ZNF469: variants seen among roughly 807,000 people sequenced by gnomAD.
ZNF469 encodes the protein zinc finger protein 469.
In ZNF469, 1 loss-of-function variant was observed where a neutral mutation model predicts 1.0. The observed-to-expected ratio is 1.00, with a 90% confidence interval of 0.35 to 4.73. The LOEUF is 4.73. Ranked by LOEUF, ZNF469 falls within the 30% of genes most tolerant of loss-of-function variation. The pLI is 0.16. For synonymous variants in ZNF469, 2,703 were observed against 2,363.4 expected (o/e 1.14, Z -4.17); for missense variants, 6,100 against 5,356.3 (o/e 1.14, Z -4.33).
chr16:88,345,491 G>T, the ZNF469 span, among the ~76,000 whole-genome samples: 1 of 152,204 alleles, frequency 6.6e-6, no homozygotes, highest in Non-Finnish European at 1.5e-5. Flanking sequence ...AGGAGCATGG[G>T]ATCTGCACCA....
At chr16:88,224,669 G>A in the ZNF469 span, among the ~76,000 whole-genome samples, 4 of 152,186 alleles carry the variant, frequency 2.6e-5, no homozygotes, top group Non-Finnish European at 5.9e-5. Flanking sequence ...GTCGGAGCCC[G>A]GCAAGGCCGC....
chr16:88,127,535 T>C, the ZNF469 span, among the ~76,000 whole-genome samples: 1 of 152,190 alleles, frequency 6.6e-6, no homozygotes, highest in Non-Finnish European at 1.5e-5. Flanking sequence ...GAAAGATAAG[T>C]GAACAGCATT....
chr16:88,386,896 C>T (rs184506661), intron 1 of ZNF469, among the ~76,000 whole-genome samples: 6 of 152,306 alleles, frequency 3.9e-5, no homozygotes, highest in Admixed American at 2.0e-4. Flanking sequence ...ACTCCCTCCC[C>T]GTGCTCATCA....
intron 1 of ZNF469, among the ~76,000 whole-genome samples, chr16:88,409,160 A>G (rs1195349860): frequency 6.6e-6 from 1 of 152,178 alleles, no homozygotes; most frequent in East Asian, 1.9e-4. Context: ...GGGCTCGCCC[A>G]CCTGTGATGT....
At position 88,394,079 on chromosome 16, in the gene ZNF469, G is replaced by C. The variant is rs990743724; in HGVS notation, c.-192+10825G>C. ...CGTCTACACCTGCGCTGCCTGAGAG[G>C]AGCAGGGTTTGACACGACTACACCT... On this transcript the variant is annotated intron_variant, in intron 1 of 2. Coordinates refer to ENST00000565624, the MANE Select transcript of ZNF469 (RefSeq NM_001367624.2). 3.0e-4 allele frequency among the ~76,000 whole-genome samples: 39 copies of C among 131,656 alleles called. 2 individuals carry two copies. The highest frequency in any genetic ancestry group is 1.0e-3 in the African/African-American group (38 of 37,206). The allele number at this position is 131,656 out of a possible 152,430, so 86.4% of individuals were successfully genotyped here. A position where few individuals can be genotyped will look rare whatever the true frequency, so the allele number is the denominator to read the frequency against.
the ZNF469 span, among the ~76,000 whole-genome samples, chr16:88,252,503 C>T: frequency 4.0e-5 from 6 of 151,448 alleles, no homozygotes; most frequent in East Asian, 9.7e-4. Flanking sequence ...CTTCTCTTGG[C>T]TTCTCATCTC....
the ZNF469 span, among the ~76,000 whole-genome samples, chr16:88,192,622 G>A: frequency 1.3e-5 from 2 of 152,304 alleles, no homozygotes; most frequent in Non-Finnish European, 2.9e-5. Context: ...ACATGATGAG[G>A]ACAGTATTGA....
chr16:88,103,457 T>C, the ZNF469 span, among the ~76,000 whole-genome samples: 3 of 152,204 alleles, frequency 2.0e-5, no homozygotes, highest in Non-Finnish European at 2.9e-5. Context: ...CCACCCGCCC[T>C]CGGGACCGGC....
At chr16:88,387,410 G>A (rs533870314) in intron 1 of ZNF469, among the ~76,000 whole-genome samples, 18 of 152,264 alleles carry the variant, frequency 1.2e-4, no homozygotes, top group Admixed American at 2.6e-4. Context: ...CGGGGGACTC[G>A]GGCCGCGGTC....
the ZNF469 span, among the ~76,000 whole-genome samples, chr16:88,158,563 C>CT: frequency 1.3e-5 from 2 of 151,966 alleles, no homozygotes; most frequent in South Asian, 4.2e-4. Context: ...TCTGCTGTCC[C>CT]GGCAGCCTCT....
chr16:88,136,208 G>T, the ZNF469 span, among the ~76,000 whole-genome samples: 2 of 152,194 alleles, frequency 1.3e-5, no homozygotes, highest in African/African-American at 4.8e-5. Flanking sequence ...TCCTCTGCGT[G>T]GGGGAGGCTG....
chr16:88,166,490 C>T, the ZNF469 span, among the ~76,000 whole-genome samples: 1 of 152,284 alleles, frequency 6.6e-6, no homozygotes, highest in African/African-American at 2.4e-5. This position sits in a 1 kb window ranked among gnomAD's most constrained non-coding sequence, Gnocchi z 4.5. Flanking sequence ...TGTGAGCGCC[C>T]CTCGGCACCC....
At chr16:88,193,265 T>TGGTG in the ZNF469 span, among the ~76,000 whole-genome samples, 1 of 140,186 alleles carries the variant, frequency 7.1e-6, no homozygotes, top group Non-Finnish European at 1.6e-5. Flanking sequence ...GTGATGGTGG[T>TGGTG]AGTGGTGATG....
the ZNF469 span, among the ~76,000 whole-genome samples, chr16:88,369,460 G>A: frequency 1.3e-5 from 2 of 152,194 alleles, no homozygotes; most frequent in Admixed American, 1.3e-4. Context: ...TCCATTGCAG[G>A]GGGCACCCAA....
Position 88,431,461 on chromosome 16 carries a change from G to A in ZNF469, c.3991G>A (p.Val1331Met), listed in dbSNP as rs1395673294. The stretch of plus-strand genomic sequence containing the variant: ...CCAGCCTGGAGAATTTCTGGCACCC[G>A]TGGCTAACCCCTCAAGTACCGCCTG... ...ARQPGEFLAPVANPSSTACPK... is the reference protein window; with the variant it reads ...ARQPGEFLAPMANPSSTACPK... Residue 1331 changes from valine to methionine, a missense_variant, in exon 3 of 3, where the codon GTG becomes ATG. By Grantham distance (21) the Val-to-Met change is conservative. Coordinates refer to ENST00000565624, the MANE Select transcript of ZNF469 (RefSeq NM_001367624.2). The A allele has an allele frequency of 1.9e-6, 3 of 1,550,390 alleles. No individual in the cohort carries two copies. Among genetic ancestry groups the A allele is most frequent in the African/African-American group, 2.7e-5 (2 of 73,174 alleles).
rs1201105120 is a variant in ZNF469 at position 88,430,145 on chromosome 16, C to T, written c.2675C>T (p.Thr892Ile). 3.2e-6 allele frequency: 5 copies of T among 1,550,130 alleles called. No homozygotes were observed. The highest frequency in any genetic ancestry group is 4.4e-6 in the Non-Finnish European group (5 of 1,146,878). Residue 892 changes from threonine to isoleucine, a missense_variant, in exon 3 of 3, where the codon ACT becomes ATT. Thr to Ile is a moderately conservative substitution (Grantham distance 89, BLOSUM62 -1). Transcript: ENST00000565624. Reference protein sequence around the residue: ...GHPLKSKAGVTPESKAPPPLP... With the variant: ...GHPLKSKAGVIPESKAPPPLP... ...CCCCTTAAGAGCAAGGCGGGGGTGACTCCAGAGAGCAAAGCTCCGCCCCCG... is the reference window on the plus strand; with the variant it reads ...CCCCTTAAGAGCAAGGCGGGGGTGATTCCAGAGAGCAAAGCTCCGCCCCCG...
the ZNF469 span, among the ~76,000 whole-genome samples, chr16:88,102,983 C>T: frequency 6.6e-6 from 1 of 152,272 alleles, no homozygotes; most frequent in Non-Finnish European, 1.5e-5. Flanking sequence ...TCGCTCTCCT[C>T]CAACTCTTTA....
the ZNF469 span, among the ~76,000 whole-genome samples, chr16:88,163,642 AT>A: frequency 6.7e-6 from 1 of 149,862 alleles, no homozygotes; most frequent in Non-Finnish European, 1.5e-5. Flanking sequence ...GGATGGATGG[AT>A]GGATGGATGG....
the ZNF469 span, among the ~76,000 whole-genome samples, chr16:88,332,305 C>T: frequency 1.3e-5 from 2 of 152,218 alleles, no homozygotes; most frequent in Admixed American, 1.3e-4. Context: ...AATGCTGTGG[C>T]TTATTGCAGG....
Sources: allele counts gnomAD v4.1 joint callset (sites outside exome capture counted in the v4.1 genomes callset), GRCh38; gene constraint gnomAD v4.1.1; non-coding constraint Gnocchi (gnomAD v3.1); transcripts MANE v1.5; gene names NCBI Gene and HGNC (gene_info 2026-07-23, HGNC 2026-07-21).